MYH7: variants seen among roughly 807,000 people sequenced by gnomAD.
MYH7 encodes the protein myosin heavy chain 7, also known as myosin-7.
MYH7 carries 129 observed loss-of-function variants against 225.4 expected under a neutral mutation model. That is an observed-to-expected ratio of 0.57 (90% CI 0.50 to 0.66). The LOEUF is 0.66. MYH7 is among the 30% of genes least tolerant of loss of function. The probability of loss-of-function intolerance (pLI) is 0.00; values close to 1 mark genes in which losing one functional copy is unlikely to be tolerated. For synonymous variants in MYH7, 971 were observed against 1,007.6 expected, an observed-to-expected ratio of 0.96 and a Z score of 0.69; for missense variants, 1,649 against 2,517.0, an observed-to-expected ratio of 0.66 and a Z score of 7.38.
intron 27 of MYH7, 100 bp downstream of exon 27, chr14:23,419,745 G>C: frequency 1.2e-6 from 2 of 1,612,784 alleles, no homozygotes; most frequent in Non-Finnish European, 1.7e-6. Context: ...GGCAGAGGAA[G>C]GGAAGTGGGA....
Position 23,419,614 on chromosome 14 carries a change from G to C in MYH7, c.3727-5C>G, listed in dbSNP as rs1160062159. 1 of 1,613,782 alleles carries C rather than the reference G, an allele frequency of 6.2e-7. No individual in the cohort carries two copies. The highest frequency in any genetic ancestry group is 1.3e-5 in the African/African-American group (1 of 74,834). On this transcript the variant is annotated splice_polypyrimidine_tract_variant and splice_region_variant and intron_variant, in intron 27 of 39. Transcript: ENST00000355349. ...GCACATCTTCTCCAGGTTAGCCTGA[G>C]AAGGGAAGGAGAGTTATATGATGGA...
Position 23,419,612 on chromosome 14 carries a change from G to A in MYH7, c.3727-3C>T. The A allele has an allele frequency of 6.2e-7, 1 of 1,613,950 alleles. No individual in the cohort carries two copies. The highest frequency in any genetic ancestry group is 1.1e-5 in the South Asian group (1 of 91,054). On this transcript the variant is annotated splice_polypyrimidine_tract_variant and splice_region_variant and intron_variant, in intron 27 of 39. Coordinates refer to ENST00000355349, the MANE Select transcript of MYH7 (RefSeq NM_000257.4). ...CGGCACATCTTCTCCAGGTTAGCCTGAGAAGGGAAGGAGAGTTATATGATG... is the reference window on the plus strand; with the variant it reads ...CGGCACATCTTCTCCAGGTTAGCCTAAGAAGGGAAGGAGAGTTATATGATG...
chr14:23,419,926 C>G lies in MYH7; in HGVS notation c.3645G>C (p.Gln1215His), dbSNP rs863225096. 5.0e-6 allele frequency: 8 copies of G among 1,612,444 alleles called. No individual in the cohort carries two copies. Among genetic ancestry groups the G allele is most frequent in the Non-Finnish European group, 4.2e-6 (5 of 1,178,964 alleles). Residue 1215 changes from glutamine (Q) to histidine (H), a missense_variant, in exon 27 of 40, where the codon CAG becomes CAC. Coordinates refer to ENST00000355349, the MANE Select transcript of MYH7 (RefSeq NM_000257.4). ...ACTCGCTCTTCTCCTTCTCCAGCTTCTGCTTCACCCGCTGCAGGTTGTCGA... is the reference window on the plus strand; with the variant it reads ...ACTCGCTCTTCTCCTTCTCCAGCTTGTGCTTCACCCGCTGCAGGTTGTCGA... ...EQIDNLQRVK[Q>H]KLEKEKSEFK...
At position 23,425,420 on chromosome 14, in the gene MYH7, T is replaced by A; in HGVS notation, c.2287-2A>T. 1 of 1,614,086 alleles carries A rather than the reference T, an allele frequency of 6.2e-7. No individual in the cohort carries two copies. The highest frequency in any genetic ancestry group is 8.5e-7 in the Non-Finnish European group (1 of 1,180,020). On this transcript the variant is annotated splice_acceptor_variant, in intron 20 of 39. Coordinates refer to ENST00000355349, the MANE Select transcript of MYH7 (RefSeq NM_000257.4). LOFTEE classifies it high-confidence loss of function. This position sits in a 1 kb window ranked among gnomAD's most constrained non-coding sequence, Gnocchi z 4.6. ...CAGCAGCCCGGCCTTGAAGAACACC[T>A]GCAGGCAAGGTGTGTGTTGGCCATG...
At position 23,418,326 on chromosome 14, in the gene MYH7, C is replaced by G; in HGVS notation, c.4053G>C (p.Thr1351=). 6.2e-7 allele frequency: 1 copy of G among 1,613,872 alleles called. No individual in the cohort carries two copies. The highest frequency in any genetic ancestry group is 8.5e-7 in the Non-Finnish European group (1 of 1,180,044). The change falls in exon 30 of 40, where the codon ACG becomes ACC. Residue 1351 remains threonine (T), a synonymous_variant. Transcript: ENST00000355349. ...CGCGCTGCAGCTCGGCCTTGGCCTCCGTCTCCTCCTCGTACTGCTCCCGCA... is the reference window on the plus strand; with the variant it reads ...CGCGCTGCAGCTCGGCCTTGGCCTCGGTCTCCTCCTCGTACTGCTCCCGCA... ...DLLREQYEEE[T]EAKAELQRVL...
intron 39 of MYH7, 28 bp from the exon 40 acceptor site, chr14:23,412,899 G>A (rs1892030511): frequency 6.2e-7 from 1 of 1,612,664 alleles, no homozygotes. Context: ...AGTCCAATCA[G>A]TCCTTGGAGA....
chr14:23,423,431 A>G lies in MYH7; in HGVS notation c.3099+116T>C, dbSNP rs906365645. ...TAACCCTACCCCCCTCTAAACATAAACACAAACACACACACACACACACAC... is the reference window on the plus strand; with the variant it reads ...TAACCCTACCCCCCTCTAAACATAAGCACAAACACACACACACACACACAC... On this transcript the variant is annotated intron_variant, in intron 24 of 39. Transcript: ENST00000355349. 10 of 1,340,412 alleles carry G rather than the reference A, an allele frequency of 7.5e-6. No homozygotes were observed. The African/African-American group carries it at 1.6e-4, about 22-fold the overall frequency. The allele number at this position is 1,340,412 out of a possible 1,614,324, so 83.0% of individuals were successfully genotyped here. A position where few individuals can be genotyped will look rare whatever the true frequency, so the allele number is the denominator to read the frequency against.
chr14:23,418,133 A>G lies in MYH7; in HGVS notation c.4169+77T>C, dbSNP rs1892304244. On this transcript the variant is annotated intron_variant, in intron 30 of 39. Coordinates refer to ENST00000355349, the MANE Select transcript of MYH7 (RefSeq NM_000257.4). Reference sequence around the variant, plus strand: ...ACTAGCTAAGCATCGCCTGTGTGGGATCTGCTGAGGCTGGGGCTGGGCTGA... The same window carrying G: ...ACTAGCTAAGCATCGCCTGTGTGGGGTCTGCTGAGGCTGGGGCTGGGCTGA... The G allele has an allele frequency of 2.5e-6, 4 of 1,603,066 alleles. No individual in the cohort carries two copies. In the African/African-American group the frequency reaches 5.4e-5, roughly 21 times the overall value.
chr14:23,422,453 C>T, intron 24 of MYH7, 128 bp from the exon 25 acceptor site: 1 of 1,242,912 alleles, frequency 8.0e-7, no homozygotes. Context: ...CAGAGTGGGC[C>T]AAATGTTATT....
intron 33 of MYH7, 81 bp downstream of exon 33, chr14:23,416,787 C>T (rs919004664): frequency 2.1e-5 from 33 of 1,606,932 alleles, no homozygotes; most frequent in South Asian, 1.1e-4. Flanking sequence ...GTGAACAAAA[C>T]GGACAAAGCG....
At chr14:23,424,608 C>T (rs999797872) in intron 22 of MYH7, among the ~76,000 whole-genome samples, 161 bp downstream of exon 22, 7 of 152,216 alleles carry the variant, frequency 4.6e-5, no homozygotes, top group Non-Finnish European at 7.3e-5. Context: ...TCTGCCCTTT[C>T]CTCCTCCTGA....
intron 9 of MYH7, 72 bp from the exon 10 acceptor site, chr14:23,431,071 A>G: frequency 8.8e-7 from 1 of 1,138,370 alleles, no homozygotes; most frequent in South Asian, 1.2e-5. Flanking sequence ...TTAATGATAA[A>G]TGTAGCAAGC....
chr14:23,422,265 T>C lies in MYH7; in HGVS notation c.3160A>G (p.Lys1054Glu), dbSNP rs730880768. 1 of 1,614,096 alleles carries C rather than the reference T, an allele frequency of 6.2e-7. No homozygotes were observed. The highest frequency in any genetic ancestry group is 8.5e-7 in the Non-Finnish European group (1 of 1,179,996). ...VRMDLERAKR[K>E]LEGDLKLTQE... Reference sequence around the variant, plus strand: ...GTCAGCTTCAGGTCGCCCTCCAGCTTCCGCTTCGCTCGCTCCAGGTCCATG... The same window carrying C: ...GTCAGCTTCAGGTCGCCCTCCAGCTCCCGCTTCGCTCGCTCCAGGTCCATG... Residue 1054 changes from lysine (K) to glutamate (E), a missense_variant, in exon 25 of 40, where the codon AAG (lysine) becomes GAG (glutamate). By Grantham distance (56) the Lys-to-Glu change is moderately conservative. Around this residue, in one of 12 missense-constraint regions of MYH7, gnomAD observed 282 missense variants for 315.3 expected, o/e 0.89. Transcript: ENST00000355349.
rs570079347 is a variant in MYH7 at position 23,416,298 on chromosome 14, G to A, written c.4659C>T (p.His1553=). The A allele has an allele frequency of 3.0e-5, 49 of 1,612,258 alleles. 1 individual carries two copies. The East Asian group carries it at 3.6e-4, about 12-fold the overall frequency. The change falls in exon 34 of 40, where the codon CAC becomes CAT. Residue 1553 remains histidine, a synonymous_variant. Transcript: ENST00000355349. ...GGGCCCGGAGGATCTTGCCCTCCTC[G>A]TGCTCCAGGGAGGCCTGGGAAGGGG... ...ALEEAEASLE[H]EEGKILRAQL... is the part of the protein sequence containing the mutation.
At chr14:23,432,248 T>C (rs1241803009) in intron 6 of MYH7, among the ~76,000 whole-genome samples, 1 of 151,380 alleles carries the variant, frequency 6.6e-6, no homozygotes, top group Non-Finnish European at 1.5e-5. Context: ...CGTGATGAGT[T>C]GGAGAGTGGG....
chr14:23,421,452 A>G (rs951378985), intron 25 of MYH7, among the ~76,000 whole-genome samples: 4 of 152,222 alleles, frequency 2.6e-5, no homozygotes, highest in African/African-American at 2.4e-5. Flanking sequence ...AGTGAAATTA[A>G]AGATACCATC....
rs1267154843 is a variant in MYH7 at position 23,433,760 on chromosome 14, G to A, written c.-8-20C>T. Reference sequence around the variant, plus strand: ...CTGTGCCTGGAGTGAGCAGAAGCTGGCTGCCCTCCCATCTGCCCATTCTTC... The same window carrying A: ...CTGTGCCTGGAGTGAGCAGAAGCTGACTGCCCTCCCATCTGCCCATTCTTC... On this transcript the variant is annotated intron_variant, in intron 2 of 39. Transcript: ENST00000355349. This position sits in a 1 kb window ranked among gnomAD's most constrained non-coding sequence, Gnocchi z 4.1. 1 of 1,611,980 alleles carries A rather than the reference G, an allele frequency of 6.2e-7. No individual in the cohort carries two copies. Among genetic ancestry groups the A allele is most frequent in the East Asian group, 2.2e-5 (1 of 44,882 alleles).
Position 23,419,490 on chromosome 14 carries a change from G to A in MYH7, c.3846C>T (p.Thr1282=), listed in dbSNP as rs948996596. The stretch of plus-strand genomic sequence containing the variant: ...CCCCTGCTCTAGGCTCACCATTCTC[G>A]GTTTGCAACTTGGCCCGCTGGCTGG... ...DLTSQRAKLQ[T]ENGELSRQLD... Residue 1282 remains threonine (T), a synonymous_variant, in exon 28 of 40, where the codon ACC becomes ACT. Transcript: ENST00000355349. 8 of 1,614,072 alleles carry A rather than the reference G, an allele frequency of 5.0e-6. No individual in the cohort carries two copies. Among genetic ancestry groups the A allele is most frequent in the Non-Finnish European group, 6.8e-6 (8 of 1,180,022 alleles).
rs1410160839 is a variant in MYH7, at chr14:23,415,725, C to G, written c.5061G>C (p.Glu1687Asp). ...CTGTCTGCTCCACCACGGCACGCAA[C>G]TCCTCCAGCTCAGCCTGCAGCAGGT... ...RNNLLQAELEELRAVVEQTER... is the reference protein window; with the variant it reads ...RNNLLQAELEDLRAVVEQTER... Residue 1687 changes from glutamate to aspartate, a missense_variant, in exon 35 of 40, where the codon GAG (glutamate) becomes GAC (aspartate). Around this residue, in one of 12 missense-constraint regions of MYH7, gnomAD observed 687 missense variants for 913.8 expected, o/e 0.75. Coordinates refer to ENST00000355349, the MANE Select transcript of MYH7 (RefSeq NM_000257.4). This position sits in a 1 kb window ranked among gnomAD's most constrained non-coding sequence, Gnocchi z 6.3. 1.2e-6 allele frequency: 2 copies of G among 1,614,102 alleles called. No individual in the cohort carries two copies. Among genetic ancestry groups the G allele is most frequent in the South Asian group, 1.1e-5 (1 of 91,090 alleles).
Sources: allele counts gnomAD v4.1 joint callset (sites outside exome capture counted in the v4.1 genomes callset), GRCh38; gene constraint gnomAD v4.1.1; regional missense constraint gnomAD v4.1.1; non-coding constraint Gnocchi (gnomAD v3.1); transcripts MANE v1.5; gene names NCBI Gene and HGNC (gene_info 2026-07-23, HGNC 2026-07-21).